MEGF10: variants seen among roughly 807,000 people sequenced by gnomAD.
MEGF10 encodes multiple epidermal growth factor-like domains protein 10.
A neutral mutation model predicts 147.5 loss-of-function variants in MEGF10; 86 were observed. That is an observed-to-expected ratio of 0.58 (90% confidence interval 0.49 to 0.70). The LOEUF is 0.70. Among genes scored for constraint, MEGF10 ranks in the 30% least tolerant of loss-of-function variants. The probability of loss-of-function intolerance (pLI) is 0.00; values close to 1 mark genes in which losing one functional copy is unlikely to be tolerated. For missense variants in MEGF10, 1,329 were observed against 1,487.3 expected, an observed-to-expected ratio of 0.89 and a Z score of 1.75; for synonymous variants, 478 against 525.5, an observed-to-expected ratio of 0.91 and a Z score of 1.24.
intron 13 of MEGF10, among the ~76,000 whole-genome samples, chr5:127,430,276 C>A (rs1191009053): frequency 2.6e-5 from 4 of 152,010 alleles, no homozygotes; most frequent in African/African-American, 4.8e-5. Flanking sequence ...CTTTGACAAA[C>A]AAAGAAACAA....
chr5:127,247,286 G>T, the MEGF10 span, among the ~76,000 whole-genome samples: 5,011 of 117,102 alleles, frequency 0.043, 150 homozygotes, highest in Non-Finnish European at 0.061. Flanking sequence ...TGTGTGGTTG[G>T]GGGGTGGGGG....
chr5:127,375,429 A>G (rs1762988460), intron 5 of MEGF10, among the ~76,000 whole-genome samples: 2 of 152,206 alleles, frequency 1.3e-5, no homozygotes, highest in Admixed American at 6.5e-5. Context: ...GGTATGTCAG[A>G]GAATTGTAAA....
At chr5:127,447,483 GT>G in intron 20 of MEGF10, 73 bp from the exon 21 acceptor site, 1 of 1,599,598 alleles carries the variant, frequency 6.3e-7, no homozygotes. Flanking sequence ...GGCCTGTTTT[GT>G]TATTTTGATT....
At chr5:127,229,351 G>A in the MEGF10 span, 3,067 of 152,270 alleles carry the variant, frequency 0.02, 67 homozygotes, top group Middle Eastern at 0.097. Context: ...CGTGGTTCCC[G>A]CCCGGGCCCG....
chr5:127,416,337 A>G (rs574749722), intron 9 of MEGF10, among the ~76,000 whole-genome samples: 3 of 152,218 alleles, frequency 2.0e-5, no homozygotes, highest in East Asian at 1.9e-4. Context: ...CCAAGGGCTC[A>G]GTTTTTGACA....
intron 14 of MEGF10, 141 bp from the exon 15 acceptor site, chr5:127,434,546 A>T (rs1048828516): frequency 1.1e-6 from 1 of 901,564 alleles, no homozygotes; most frequent in Non-Finnish European, 1.6e-6. Flanking sequence ...CTTGTTTTCT[A>T]CTTGGAAAAT....
the MEGF10 span, among the ~76,000 whole-genome samples, chr5:127,233,654 T>C: frequency 6.6e-6 from 1 of 152,232 alleles, no homozygotes; most frequent in Non-Finnish European, 1.5e-5. Flanking sequence ...TTCACTTTTT[T>C]TCCCATTAGA....
At chr5:127,391,722 TCA>T (rs1763705639) in intron 5 of MEGF10, among the ~76,000 whole-genome samples, 1 of 152,156 alleles carries the variant, frequency 6.6e-6, no homozygotes, top group South Asian at 2.1e-4. Context: ...CATCTAATCA[TCA>T]TCGTCAAACA....
intron 5 of MEGF10, among the ~76,000 whole-genome samples, chr5:127,371,608 C>T (rs1762855291): frequency 6.6e-6 from 1 of 152,196 alleles, no homozygotes; most frequent in Non-Finnish European, 1.5e-5. Flanking sequence ...TGTATTCATA[C>T]TTTGTCTCCT....
intron 1 of MEGF10, among the ~76,000 whole-genome samples, chr5:127,329,990 G>C (rs1485877015): frequency 6.6e-6 from 1 of 151,998 alleles, no homozygotes; most frequent in African/African-American, 2.4e-5. Context: ...GATGATATCA[G>C]AGGAACCTTC....
At chr5:127,454,702 C>A in intron 23 of MEGF10, 92 bp downstream of exon 23, 3 of 1,159,068 alleles carry the variant, frequency 2.6e-6, no homozygotes, top group South Asian at 1.5e-5. Context: ...GCTAGAATGG[C>A]AAGAGAAAAT....
chr5:127,324,997 A>T (rs563817411), intron 1 of MEGF10, among the ~76,000 whole-genome samples: 11 of 152,124 alleles, frequency 7.2e-5, no homozygotes, highest in Non-Finnish European at 1.5e-4. Context: ...GCCTGTTCGT[A>T]TATCTGCTCT....
chr5:127,368,181 G>A (rs933646516), intron 4 of MEGF10, among the ~76,000 whole-genome samples: 8 of 152,146 alleles, frequency 5.3e-5, no homozygotes, highest in African/African-American at 1.7e-4. Context: ...AAATAGTGCA[G>A]GGCCAGTGTG....
chr5:127,452,126 C>T (rs1190510355), intron 22 of MEGF10, among the ~76,000 whole-genome samples: 1 of 152,190 alleles, frequency 6.6e-6, no homozygotes, highest in African/African-American at 2.4e-5. Flanking sequence ...TGACTGCTCC[C>T]TCATTAAAAC....
At chr5:127,343,489 C>T (rs1370271290) in intron 4 of MEGF10, among the ~76,000 whole-genome samples, 1 of 152,058 alleles carries the variant, frequency 6.6e-6, no homozygotes, top group African/African-American at 2.4e-5. Context: ...TCTGAGGTTT[C>T]CTGTGGGGAC....
rs1258034696 is a variant in MEGF10, at chr5:127,458,311, A to T, written c.*993A>T. ...AACATTTTGATTAATCTTTCCCTAG[A>T]AGTGACTGAAATATTTTTGTGCATA... On this transcript the variant is annotated 3_prime_UTR_variant, in exon 25 of 25. Coordinates refer to ENST00000503335, the MANE Select transcript of MEGF10 (RefSeq NM_001256545.2). 1 of 152,210 alleles carries T rather than the reference A, an allele frequency of 6.6e-6. No homozygotes were observed. The highest frequency in any genetic ancestry group is 2.4e-5 in the African/African-American group (1 of 41,460). 9.4% of individuals were successfully genotyped at this position (152,210 alleles called of 1,614,324 possible).
rs768897579 is a variant in MEGF10, at chr5:127,447,735, G to A, written c.2856+51G>A. ...GGAAGTGGGCTGGGGAGAGAGGAAGGGAACCAGCATTTATTGAGGGCCGCT... is the reference window on the plus strand; with the variant it reads ...GGAAGTGGGCTGGGGAGAGAGGAAGAGAACCAGCATTTATTGAGGGCCGCT... On this transcript the variant is annotated intron_variant, in intron 21 of 24. Coordinates refer to ENST00000503335, the MANE Select transcript of MEGF10 (RefSeq NM_001256545.2). 26 of 1,610,144 alleles carry A rather than the reference G, an allele frequency of 1.6e-5. 2 individuals are homozygous for A. In the South Asian group the frequency reaches 2.4e-4, roughly 15 times the overall value.
chr5:127,328,770 C>T (rs74933404), intron 1 of MEGF10, among the ~76,000 whole-genome samples: 2,757 of 151,642 alleles, frequency 0.018, 51 homozygotes, highest in South Asian at 0.038. Flanking sequence ...TGCTTACCAG[C>T]CTTCATGTCT....
intron 1 of MEGF10, among the ~76,000 whole-genome samples, chr5:127,322,354 G>A (rs1760822359): frequency 6.6e-6 from 1 of 152,024 alleles, no homozygotes; most frequent in African/African-American, 2.4e-5. Context: ...TTTCCTCTGA[G>A]CACTCACTTT....
Sources: allele counts gnomAD v4.1 joint callset (sites outside exome capture counted in the v4.1 genomes callset), GRCh38; gene constraint gnomAD v4.1.1; transcripts MANE v1.5; gene names NCBI Gene and HGNC (gene_info 2026-07-23, HGNC 2026-07-21).